The following GPATCH2 variants were observed in gnomAD, a reference collection of about 807,000 sequenced individuals.
GPATCH2 encodes G-patch domain containing 2, also known as G patch domain-containing protein 2.
GPATCH2 carries 51 observed loss-of-function variants against 58.0 expected under a neutral mutation model. The observed-to-expected ratio is 0.88, with a 90% CI of 0.70 to 1.11. The LOEUF (loss-of-function observed/expected upper bound fraction) is 1.11. Ranked by LOEUF, GPATCH2 falls within the 50% of genes most tolerant of loss-of-function variation. GPATCH2 has a pLI of 0.00. For synonymous variants in GPATCH2, 222 were observed against 218.5 expected (o/e 1.02, Z -0.14); for missense variants, 625 against 652.2 (o/e 0.96, Z 0.45).
chr1:217,473,658 A>G (rs1660840292), intron 8 of GPATCH2, among the ~76,000 whole-genome samples: 1 of 152,158 alleles, frequency 6.6e-6, no homozygotes, highest in South Asian at 2.1e-4. Flanking sequence ...GGATGTAAAA[A>G]AAAAACCCAT....
intron 6 of GPATCH2, among the ~76,000 whole-genome samples, chr1:217,504,038 G>A (rs1223451014): frequency 6.6e-6 from 1 of 152,082 alleles, no homozygotes; most frequent in Non-Finnish European, 1.5e-5. Context: ...CAAAGCCCAC[G>A]TCCCTTCCAA....
At chr1:217,571,784 T>C (rs372051021) in intron 5 of GPATCH2, among the ~76,000 whole-genome samples, 4 of 149,484 alleles carry the variant, frequency 2.7e-5, no homozygotes, top group Admixed American at 6.6e-5. Context: ...TCCCAGCTAC[T>C]TGGAAGGCTG....
chr1:217,457,715 AT>A (rs1392396602), intron 8 of GPATCH2, among the ~76,000 whole-genome samples: 1 of 152,250 alleles, frequency 6.6e-6, no homozygotes, highest in East Asian at 1.9e-4. Context: ...TCATGTAGGC[AT>A]TTTTTTGGTA....
intron 2 of GPATCH2, among the ~76,000 whole-genome samples, chr1:217,615,614 C>T (rs1046743922): frequency 5.3e-5 from 8 of 152,118 alleles, no homozygotes; most frequent in African/African-American, 1.9e-4. Flanking sequence ...CACCTCAGGT[C>T]ACAGTTCCTT....
Position 217,620,404 on chromosome 1 carries a change from C to A in GPATCH2, c.152G>T (p.Gly51Val). The A allele has an allele frequency of 6.2e-7, 1 of 1,614,014 alleles. No homozygotes were observed. The highest frequency in any genetic ancestry group is 8.5e-7 in the Non-Finnish European group (1 of 1,179,966). Residue 51 changes from glycine (G) to valine (V), a missense_variant, in exon 2 of 10, where the codon GGA becomes GTA. By Grantham distance (109) the Gly-to-Val change is moderately radical. Coordinates refer to ENST00000366935, the MANE Select transcript of GPATCH2 (RefSeq NM_018040.5). ...EQARGGFAET[G>V]DHSRSISCPL... ...GCAAGATATACTTCGAGAATGGTCTCCTGTTTCAGCAAATCCACCTCGAGC... is the reference window on the plus strand; with the variant it reads ...GCAAGATATACTTCGAGAATGGTCTACTGTTTCAGCAAATCCACCTCGAGC...
At chr1:217,463,118 T>C (rs577119660) in intron 8 of GPATCH2, among the ~76,000 whole-genome samples, 3 of 152,094 alleles carry the variant, frequency 2.0e-5, no homozygotes, top group South Asian at 4.1e-4. Flanking sequence ...TACAAAAGAG[T>C]AAAGAAACTC....
chr1:217,584,344 A>AAAATATAT (rs1463910405), intron 5 of GPATCH2, among the ~76,000 whole-genome samples: 1 of 101,874 alleles, frequency 9.8e-6, no homozygotes. Context: ...AAAAAAAAAA[A>AAAATATAT]ATATATATAT....
In GPATCH2 at chr1:217,614,156, C is replaced by G; in HGVS notation, c.820G>C (p.Asp274His). The change falls in exon 3 of 10, where the codon GAT (aspartate) becomes CAT (histidine). Residue 274 changes from aspartate (D) to histidine (H), a missense_variant. By Grantham distance (81) the Asp-to-His change is moderately conservative (BLOSUM62 -1). Coordinates refer to ENST00000366935, the MANE Select transcript of GPATCH2 (RefSeq NM_018040.5). ...SSTDAGLFTN[D>H]EGRQGDDEQS... ...ATTTCAGTACCTTGTCTTCCCTCAT[C>G]ATTGGTAAACAATCCAGCATCAGTG... The G allele has an allele frequency of 1.3e-6, 2 of 1,570,744 alleles. No homozygotes were observed. Among genetic ancestry groups the G allele is most frequent in the Non-Finnish European group, 1.8e-6 (2 of 1,140,738 alleles).
rs188460894 is a variant in GPATCH2, at chr1:217,515,013, C to T, written c.1099-124G>A. 2.8e-4 allele frequency: 183 copies of T among 646,520 alleles called. No individual in the cohort carries two copies. In the African/African-American group the frequency reaches 3.0e-3, roughly 11 times the overall value. 40.0% of individuals were successfully genotyped at this position (646,520 alleles called of 1,614,324 possible). On this transcript the variant is annotated intron_variant, in intron 5 of 9. Coordinates refer to ENST00000366935, the MANE Select transcript of GPATCH2 (RefSeq NM_018040.5). ...TGGAGAATACAAGATTTTCAAATCT[C>T]AGACAACACTGTGTGGATCAAAAGT...
intron 5 of GPATCH2, among the ~76,000 whole-genome samples, chr1:217,516,237 A>G (rs922559991): frequency 1.3e-5 from 2 of 152,146 alleles, no homozygotes; most frequent in African/African-American, 4.8e-5. Context: ...ATTTTAAAAA[A>G]AAACCCTCTG....
intron 8 of GPATCH2, among the ~76,000 whole-genome samples, chr1:217,464,852 A>G (rs1385305675): frequency 6.6e-6 from 1 of 152,178 alleles, no homozygotes; most frequent in Non-Finnish European, 1.5e-5. Context: ...AGTGTTGCAG[A>G]TACATAAATA....
At chr1:217,549,142 C>T (rs1665220942) in intron 5 of GPATCH2, among the ~76,000 whole-genome samples, 1 of 152,140 alleles carries the variant, frequency 6.6e-6, no homozygotes, top group African/African-American at 2.4e-5. Flanking sequence ...GTTTTGGCAG[C>T]TCTCATTTAA....
chr1:217,527,961 T>TA (rs949681899), intron 5 of GPATCH2, among the ~76,000 whole-genome samples: 4 of 152,056 alleles, frequency 2.6e-5, no homozygotes, highest in African/African-American at 4.8e-5. Flanking sequence ...CAACGGAAGT[T>TA]AAAAAAAATC....
intron 8 of GPATCH2, among the ~76,000 whole-genome samples, chr1:217,450,112 A>G (rs1659591057): frequency 6.6e-6 from 1 of 152,182 alleles, no homozygotes; most frequent in Non-Finnish European, 1.5e-5. Context: ...ACAAAAAAGA[A>G]AGCATTTAAA....
chr1:217,445,838 G>A (rs557931166), intron 9 of GPATCH2, among the ~76,000 whole-genome samples: 2 of 152,192 alleles, frequency 1.3e-5, no homozygotes, highest in South Asian at 2.1e-4. Flanking sequence ...ATGCTTCAAA[G>A]CTATTGCTAA....
chr1:217,567,134 C>T (rs561733438), intron 5 of GPATCH2, among the ~76,000 whole-genome samples: 91 of 151,548 alleles, frequency 6.0e-4, no homozygotes, highest in South Asian at 1.0e-3. Context: ...GCAACCTCCA[C>T]CTCCTAGGTT....
intron 5 of GPATCH2, among the ~76,000 whole-genome samples, chr1:217,551,236 A>G (rs1474117077): frequency 6.6e-6 from 1 of 152,094 alleles, no homozygotes; most frequent in African/African-American, 2.4e-5. Flanking sequence ...GTAGGCCTGC[A>G]CCGGCATTCT....
At chr1:217,477,534 A>C (rs1208693648) in intron 8 of GPATCH2, among the ~76,000 whole-genome samples, 2 of 152,028 alleles carry the variant, frequency 1.3e-5, no homozygotes. Context: ...CATCCACCAC[A>C]AGCTGACTGA....
chr1:217,610,169 A>T, intron 5 of GPATCH2, 152 bp downstream of exon 5: 1 of 1,576,082 alleles, frequency 6.3e-7, no homozygotes, highest in Non-Finnish European at 8.6e-7. Context: ...TTTATAGGGG[A>T]ATCTCACTGG....
Sources: gnomAD v4.1 joint callset for allele counts (sites outside exome capture counted in the v4.1 genomes callset) on GRCh38, gnomAD v4.1.1 for gene constraint, MANE v1.5 for transcripts, NCBI Gene and HGNC (gene_info 2026-07-23, HGNC 2026-07-21) for gene names.